The following ABHD2 variants were observed in gnomAD, a reference collection of about 807,000 sequenced individuals.
ABHD2 encodes abhydrolase domain containing 2, acylglycerol lipase.
In ABHD2, 20 loss-of-function variants were observed where a neutral mutation model predicts 48.1. That is an observed-to-expected ratio of 0.42 (90% confidence interval 0.29 to 0.60). ABHD2 has a LOEUF of 0.60. Ranked by LOEUF, ABHD2 falls within the 20% of genes least tolerant of loss-of-function variation. The probability of loss-of-function intolerance (pLI) is 0.24; values close to 1 mark genes in which losing one functional copy is unlikely to be tolerated. For synonymous variants in ABHD2, 209 were observed against 214.2 expected (o/e 0.98, Z 0.21); for missense variants, 405 against 550.9 (o/e 0.74, Z 2.65).
the ABHD2 span, among the ~76,000 whole-genome samples, chr15:89,055,430 G>A: frequency 4.3e-4 from 65 of 149,714 alleles, no homozygotes; most frequent in Non-Finnish European, 8.0e-4. Flanking sequence ...GGACTCAAGC[G>A]ATCCTCTCTC....
At chr15:89,045,713 A>G in the ABHD2 span, among the ~76,000 whole-genome samples, 1 of 152,244 alleles carries the variant, frequency 6.6e-6, no homozygotes. Flanking sequence ...TTGTTGGTGT[A>G]TGAGAATGCT....
the ABHD2 span, among the ~76,000 whole-genome samples, chr15:89,054,166 A>G: frequency 6.6e-6 from 1 of 152,170 alleles, no homozygotes; most frequent in East Asian, 1.9e-4. Flanking sequence ...TACTAAAAAT[A>G]CAAAAATTAG....
At chr15:89,044,630 T>C in the ABHD2 span, among the ~76,000 whole-genome samples, 1 of 151,452 alleles carries the variant, frequency 6.6e-6, no homozygotes. Flanking sequence ...ATTGTGGTTT[T>C]GATTTGCATT....
At chr15:89,084,742 G>A (rs1901327376), upstream of ABHD2, among the ~76,000 whole-genome samples, 1 of 152,206 alleles carries the variant, frequency 6.6e-6, no homozygotes, top group Admixed American at 6.5e-5. This position sits in a 1 kb window ranked among gnomAD's most constrained non-coding sequence, Gnocchi z 4.4. Flanking sequence ...AATAGCTGTG[G>A]CAAACATTTA....
chr15:89,060,657 T>G, the ABHD2 span, among the ~76,000 whole-genome samples: 1 of 152,140 alleles, frequency 6.6e-6, no homozygotes, highest in Admixed American at 6.5e-5. Context: ...TGTTTCTTCT[T>G]TTATGTGTAG....
At chr15:89,158,048 G>A (rs951573237) in intron 5 of ABHD2, among the ~76,000 whole-genome samples, 1 of 151,992 alleles carries the variant, frequency 6.6e-6, no homozygotes, top group African/African-American at 2.4e-5. Flanking sequence ...AGATGGGGAG[G>A]CATGGCTTGG....
chr15:89,047,972 C>G, the ABHD2 span, among the ~76,000 whole-genome samples: 1 of 150,600 alleles, frequency 6.6e-6, no homozygotes, highest in East Asian at 1.9e-4. Flanking sequence ...CTCGATAGTT[C>G]ATGCAGTTTC....
intron 1 of ABHD2, among the ~76,000 whole-genome samples, chr15:89,109,737 G>A (rs919567234): frequency 1.3e-5 from 2 of 152,158 alleles, no homozygotes; most frequent in African/African-American, 4.8e-5. Flanking sequence ...TAAAGTGAAT[G>A]TGAAAATTTT....
chr15:89,071,218 A>G, the ABHD2 span, among the ~76,000 whole-genome samples: 1 of 152,132 alleles, frequency 6.6e-6, no homozygotes, highest in African/African-American at 2.4e-5. Flanking sequence ...TCAGGAGTTC[A>G]AGACCAGCCT....
chr15:89,046,683 C>T, the ABHD2 span, among the ~76,000 whole-genome samples: 7 of 152,284 alleles, frequency 4.6e-5, no homozygotes, highest in South Asian at 4.1e-4. Flanking sequence ...GTTTTATTTG[C>T]GTAGAGGTGT....
chr15:89,200,677 C>G lies in ABHD2; in HGVS notation c.*5254C>G, dbSNP rs187349622. The stretch of plus-strand genomic sequence containing the variant: ...TGTACACACACAAAAAAATGGTCAC[C>G]GCAGGCCATACTACCAATGAAATGG... On this transcript the variant is annotated 3_prime_UTR_variant, in exon 11 of 11. Coordinates refer to ENST00000352732, the MANE Select transcript of ABHD2 (RefSeq NM_152924.5). 10 of 215,616 alleles carry G rather than the reference C, an allele frequency of 4.6e-5. No individual in the cohort carries two copies. The East Asian group carries it at 1.1e-3, about 24-fold the overall frequency. 13.4% of individuals were successfully genotyped at this position (215,616 alleles called of 1,614,324 possible). A position where few individuals can be genotyped will look rare whatever the true frequency, so the allele number is the denominator to read the frequency against.
intron 1 of ABHD2, among the ~76,000 whole-genome samples, chr15:89,096,134 G>T (rs567683804): frequency 6.6e-6 from 1 of 150,790 alleles, no homozygotes; most frequent in East Asian, 2.0e-4. Flanking sequence ...GTCAGTGTAG[G>T]CTCTCGGGAT....
chr15:89,180,889 T>C (rs893262062), intron 6 of ABHD2, among the ~76,000 whole-genome samples: 24 of 152,120 alleles, frequency 1.6e-4, no homozygotes, highest in African/African-American at 5.8e-4. Flanking sequence ...GCTTTTATTT[T>C]AAAAAATCAA....
chr15:89,162,925 G>T (rs2050784170), intron 5 of ABHD2, among the ~76,000 whole-genome samples: 1 of 152,306 alleles, frequency 6.6e-6, no homozygotes, highest in South Asian at 2.1e-4. Context: ...CACTGCATCA[G>T]TGTTTACTGA....
In ABHD2 at chr15:89,100,718, A is replaced by T. The variant is rs770069163; in HGVS notation, c.-107+12155A>T. ...CCCTGTCTCTACTAAAAATACAAAA[A>T]ATTAGCCAGGTGTGGTGGCGGGCAC... On this transcript the variant is annotated intron_variant, in intron 1 of 10. Transcript: ENST00000352732. This position sits in a 1 kb window ranked among gnomAD's most constrained non-coding sequence, Gnocchi z 4.4. Among the ~76,000 whole-genome samples, 6 of 152,006 alleles carry T rather than the reference A, an allele frequency of 3.9e-5. No individual in the cohort carries two copies. Among genetic ancestry groups the T allele is most frequent in the Admixed American group, 6.5e-5 (1 of 15,268 alleles).
intron 3 of ABHD2, among the ~76,000 whole-genome samples, chr15:89,147,236 C>A (rs1476287332): frequency 6.6e-6 from 1 of 151,978 alleles, no homozygotes; most frequent in Admixed American, 6.6e-5. Flanking sequence ...TATATCTTCC[C>A]TTCACATCAT....
intron 1 of ABHD2, among the ~76,000 whole-genome samples, chr15:89,110,067 T>C (rs924755485): frequency 1.3e-5 from 2 of 152,178 alleles, no homozygotes; most frequent in African/African-American, 4.8e-5. Flanking sequence ...CTTTTTATAC[T>C]ATCTTTTCTC....
upstream of ABHD2, among the ~76,000 whole-genome samples, chr15:89,084,630 A>G (rs377120175): frequency 1.6e-3 from 251 of 152,336 alleles, 2 homozygotes; most frequent in Middle Eastern, 0.017. This position sits in a 1 kb window ranked among gnomAD's most constrained non-coding sequence, Gnocchi z 4.4. Flanking sequence ...AAGTCTATCT[A>G]TATTTTCTAA....
the ABHD2 span, among the ~76,000 whole-genome samples, chr15:89,077,794 C>T: frequency 2.0e-5 from 3 of 152,168 alleles, no homozygotes; most frequent in Non-Finnish European, 2.9e-5. Flanking sequence ...TTCATTCTCC[C>T]AAGTTCAAGT....
Sources: gnomAD v4.1 joint callset for allele counts (sites outside exome capture counted in the v4.1 genomes callset) on GRCh38, gnomAD v4.1.1 for gene constraint, Gnocchi (gnomAD v3.1) non-coding constraint, MANE v1.5 for transcripts, NCBI Gene and HGNC (gene_info 2026-07-23, HGNC 2026-07-21) for gene names.